The following CTNND2 variants were observed in gnomAD, a reference collection of about 807,000 sequenced individuals.
CTNND2 encodes the protein catenin delta-2.
Under a neutral mutation model 144.4 loss-of-function variants are expected in CTNND2, and 22 were observed. That is an observed-to-expected ratio of 0.15 (90% CI 0.11 to 0.22). The LOEUF is 0.22. Ranked by LOEUF, CTNND2 falls within the 10% of genes least tolerant of loss-of-function variation. CTNND2 has a pLI of 1.00. For synonymous variants in CTNND2, 751 were observed against 695.6 expected, an observed-to-expected ratio of 1.08 and a Z score of -1.25; for missense variants, 1,353 against 1,618.8, an observed-to-expected ratio of 0.84 and a Z score of 2.82.
intron 2 of CTNND2, among the ~76,000 whole-genome samples, chr5:11,698,009 G>A (rs1228650077): frequency 6.6e-6 from 1 of 152,170 alleles, no homozygotes; most frequent in Non-Finnish European, 1.5e-5. Flanking sequence ...CTGGCAGAAA[G>A]TAGGAGAGTT....
intron 3 of CTNND2, among the ~76,000 whole-genome samples, chr5:11,562,004 CCA>C (rs1249683138): frequency 6.6e-6 from 1 of 151,966 alleles, no homozygotes; most frequent in African/African-American, 2.4e-5. Flanking sequence ...CGAGATCGTG[CCA>C]CAGTTGCACT....
At position 11,299,988 on chromosome 5, in the gene CTNND2, C is replaced by T. The variant is rs146765460; in HGVS notation, c.1628+46384G>A. Among the ~76,000 whole-genome samples, 8 of 152,310 alleles carry T rather than the reference C, an allele frequency of 5.3e-5. No individual in the cohort carries two copies. The East Asian group carries it at 1.5e-3, about 29-fold the overall frequency. ...GAAACATACATGTGAATACATTACA[C>T]ATGATCCTCTCAAAAGAAATGGGCA... On this transcript the variant is annotated intron_variant, in intron 9 of 21. Coordinates refer to ENST00000304623, the MANE Select transcript of CTNND2 (RefSeq NM_001332.4).
At chr5:11,235,213 C>G (rs981191981) in intron 10 of CTNND2, among the ~76,000 whole-genome samples, 1 of 152,028 alleles carries the variant, frequency 6.6e-6, no homozygotes, top group Admixed American at 6.5e-5. Context: ...TCAGAGAAAC[C>G]CTCAAAGTTA....
chr5:11,158,811 C>A (rs1758475474), intron 12 of CTNND2, among the ~76,000 whole-genome samples: 1 of 152,138 alleles, frequency 6.6e-6, no homozygotes, highest in Admixed American at 6.5e-5. Context: ...TTCAATCACC[C>A]CTTTTGCCCC....
Position 11,384,861 on chromosome 5 carries a change from G to C in CTNND2, c.981C>G (p.Ser327=), listed in dbSNP as rs1758886560. ...INIVVSSAGL[S]PIRVTSPPTV... is the part of the protein sequence containing the mutation. ...TGGGGGGCGAGGTCACGCGGATCGG[G>C]GACAGGCCGGCCGAGGACACGACGA... Residue 327 remains serine (S), a synonymous_variant, in exon 7 of 22, where the codon TCC becomes TCG. Coordinates refer to ENST00000304623, the MANE Select transcript of CTNND2 (RefSeq NM_001332.4). This position sits in a 1 kb window ranked among gnomAD's most constrained non-coding sequence, Gnocchi z 5.2. The C allele has an allele frequency of 5.0e-6, 8 of 1,612,572 alleles. No homozygotes were observed. The highest frequency in any genetic ancestry group is 5.1e-6 in the Non-Finnish European group (6 of 1,179,624).
Position 11,128,943 on chromosome 5 carries a change from TATATA to T in CTNND2, c.2160-11381_2160-11377del, listed in dbSNP as rs1755075116. On this transcript the variant is annotated intron_variant, in intron 12 of 21. Transcript: ENST00000304623. The stretch of plus-strand genomic sequence containing the variant: ...ATATAATACATAAATATATATATTA[TATATA>T]ATATATAAATATATATAATATATAA... 1.2e-4 allele frequency among the ~76,000 whole-genome samples: 6 copies of T among 50,184 alleles called. No individual in the cohort carries two copies. In the South Asian group the frequency reaches 2.9e-3, roughly 24 times the overall value. 32.9% of individuals were successfully genotyped at this position (50,184 alleles called of 152,430 possible). A position where few individuals can be genotyped will look rare whatever the true frequency, so the allele number is the denominator to read the frequency against.
intron 3 of CTNND2, among the ~76,000 whole-genome samples, chr5:11,465,884 T>C (rs944481533): frequency 3.9e-5 from 6 of 152,188 alleles, no homozygotes; most frequent in Non-Finnish European, 4.4e-5. Flanking sequence ...AACAGTCAAC[T>C]TCCATCTCCA....
chr5:11,052,463 T>A (rs991272099), intron 16 of CTNND2, among the ~76,000 whole-genome samples: 10 of 152,154 alleles, frequency 6.6e-5, no homozygotes, highest in Non-Finnish European at 7.3e-5. Flanking sequence ...ACTTGATTGT[T>A]CAATCCAGAA....
At chr5:11,010,877 A>AAGG (rs1741005819) in intron 18 of CTNND2, among the ~76,000 whole-genome samples, 1 of 152,248 alleles carries the variant, frequency 6.6e-6, no homozygotes, top group Non-Finnish European at 1.5e-5. Context: ...CTGACAATAA[A>AAGG]AGGAAGGACA....
At chr5:11,819,807 T>A (rs1040541617) in intron 1 of CTNND2, among the ~76,000 whole-genome samples, 1 of 152,198 alleles carries the variant, frequency 6.6e-6, no homozygotes, top group African/African-American at 2.4e-5. Context: ...TATTCCCTGC[T>A]ATGGAGTCCT....
intron 2 of CTNND2, among the ~76,000 whole-genome samples, chr5:11,716,178 C>T (rs1304528221): frequency 6.6e-6 from 1 of 152,214 alleles, no homozygotes; most frequent in African/African-American, 2.4e-5. Context: ...CCCATAGTAA[C>T]TTCCGGATTC....
chr5:11,612,339 GT>G (rs934924126), intron 2 of CTNND2, among the ~76,000 whole-genome samples: 1 of 152,176 alleles, frequency 6.6e-6, no homozygotes, highest in African/African-American at 2.4e-5. Context: ...AAACCAAAGT[GT>G]TGCAGAAGTA....
chr5:11,381,915 C>A (rs1758522970), intron 7 of CTNND2, among the ~76,000 whole-genome samples: 1 of 152,016 alleles, frequency 6.6e-6, no homozygotes, highest in Non-Finnish European at 1.5e-5. Context: ...GATAGTGAGC[C>A]AAGATCACGC....
chr5:11,799,909 C>A (rs1311695557), intron 1 of CTNND2, among the ~76,000 whole-genome samples: 1 of 152,146 alleles, frequency 6.6e-6, no homozygotes, highest in African/African-American at 2.4e-5. Flanking sequence ...ACACTCCATG[C>A]ATTTTCTACT....
At chr5:11,486,307 C>A (rs1768821612) in intron 3 of CTNND2, among the ~76,000 whole-genome samples, 1 of 152,130 alleles carries the variant, frequency 6.6e-6, no homozygotes, top group Admixed American at 6.6e-5. Flanking sequence ...GTAGATCACA[C>A]TAGGTGATAA....
At chr5:11,870,717 T>C (rs960066053) in intron 1 of CTNND2, among the ~76,000 whole-genome samples, 2 of 152,170 alleles carry the variant, frequency 1.3e-5, no homozygotes, top group Non-Finnish European at 2.9e-5. Flanking sequence ...AGTTCAGGCA[T>C]GAAGAGGTGG....
At chr5:11,400,663 T>G (rs992066967) in intron 5 of CTNND2, among the ~76,000 whole-genome samples, 1 of 152,210 alleles carries the variant, frequency 6.6e-6, no homozygotes, top group Non-Finnish European at 1.5e-5. Context: ...ATTCCATTAA[T>G]CCTAAGAAGA....
At chr5:11,796,361 C>T (rs1262963300) in intron 1 of CTNND2, among the ~76,000 whole-genome samples, 1 of 152,230 alleles carries the variant, frequency 6.6e-6, no homozygotes. Context: ...AGCCCAATTA[C>T]TTCCCTAGAA....
Position 11,903,749 on chromosome 5 carries a change from G to T in CTNND2, c.37+68C>A. The T allele has an allele frequency of 7.0e-7, 1 of 1,433,130 alleles. No individual in the cohort carries two copies. The highest frequency in any genetic ancestry group is 9.2e-7 in the Non-Finnish European group (1 of 1,086,144). The allele number at this position is 1,433,130 out of a possible 1,614,324, so 88.8% of individuals were successfully genotyped here. ...GAGCCCAGGACCACCCCCACCAGCG[G>T]CAAGAGGAGGAGGACGGCGCCGGGA... On this transcript the variant is annotated intron_variant, in intron 1 of 21. Transcript: ENST00000304623. This position sits in a 1 kb window ranked among gnomAD's most constrained non-coding sequence, Gnocchi z 5.4.
Sources: gnomAD v4.1 joint callset for allele counts (sites outside exome capture counted in the v4.1 genomes callset) on GRCh38, gnomAD v4.1.1 for gene constraint, Gnocchi (gnomAD v3.1) non-coding constraint, MANE v1.5 for transcripts, NCBI Gene and HGNC (gene_info 2026-07-23, HGNC 2026-07-21) for gene names.